The following CLASP2 variants were observed in gnomAD, a reference collection of about 807,000 sequenced individuals.
The protein encoded by CLASP2 is CLIP-associating protein 2.
CLASP2 carries 47 observed loss-of-function variants against 194.4 expected under a neutral mutation model. The ratio of observed to expected loss-of-function variants is 0.24; its 90% confidence interval spans 0.19 to 0.31. CLASP2 has a LOEUF of 0.31. Ranked by LOEUF, CLASP2 falls within the 10% of genes least tolerant of loss-of-function variation. The pLI is 1.00. For synonymous variants in CLASP2, 619 were observed against 633.5 expected (o/e 0.98, Z 0.34); for missense variants, 1,445 against 1,823.6 (o/e 0.79, Z 3.78).
chr3:33,557,577 G>A (rs914802947), intron 29 of CLASP2, among the ~76,000 whole-genome samples: 1 of 151,980 alleles, frequency 6.6e-6, no homozygotes, highest in African/African-American at 2.4e-5. Context: ...CACCACTACA[G>A]GTACCTATAT....
At chr3:33,528,814 G>T in intron 34 of CLASP2, among the ~76,000 whole-genome samples, 1 of 151,970 alleles carries the variant, frequency 6.6e-6, no homozygotes, top group East Asian at 1.9e-4. Context: ...AAGGAAGAAA[G>T]AAAGAGAGAA....
rs1034203961 is a variant in CLASP2 at position 33,718,070 on chromosome 3, C to T, written c.-68G>A. ...CTTTCGCCGAGAGCCGCCCAGCCTC[C>T]AGTGCGGGTCCCCGCGGGAGCGGGC... On this transcript the variant is annotated 5_prime_UTR_variant, in exon 1 of 39. Coordinates refer to ENST00000682230, the MANE Select transcript of CLASP2 (RefSeq NM_001365631.1). 5.0e-6 allele frequency: 7 copies of T among 1,406,588 alleles called. No homozygotes were observed. In the East Asian group the frequency reaches 8.2e-5, roughly 17 times the overall value. The allele number at this position is 1,406,588 out of a possible 1,614,324, so 87.1% of individuals were successfully genotyped here.
chr3:33,522,898 G>A (rs899232815), intron 34 of CLASP2, among the ~76,000 whole-genome samples: 4 of 152,096 alleles, frequency 2.6e-5, no homozygotes, highest in African/African-American at 4.8e-5. Flanking sequence ...GTGAAACCCC[G>A]TCTCTACTAA....
In CLASP2 at chr3:33,594,590, T is replaced by C. The variant is rs373577145; in HGVS notation, c.1966+361A>G. Among the ~76,000 whole-genome samples the C allele has an allele frequency of 2.6e-5, 4 of 151,850 alleles. No individual in the cohort carries two copies. In the South Asian group the frequency reaches 6.3e-4, roughly 24 times the overall value. ...GGTGCATGATCTCTCAAAGTATAAA[T>C]GAATTGGCATAAATAAAAAAACAAA... On this transcript the variant is annotated intron_variant, in intron 20 of 38. Coordinates refer to ENST00000682230, the MANE Select transcript of CLASP2 (RefSeq NM_001365631.1).
At chr3:33,577,228 T>C (rs763963352) in intron 23 of CLASP2, 2 of 1,598,024 alleles carry the variant, frequency 1.3e-6, no homozygotes, top group South Asian at 1.1e-5. Context: ...TTCGGGGGCG[T>C]AGAGGGCACC....
intron 12 of CLASP2, among the ~76,000 whole-genome samples, chr3:33,612,996 T>C (rs2075467140): frequency 2.0e-5 from 3 of 152,148 alleles, no homozygotes; most frequent in Admixed American, 1.3e-4. Context: ...TTAACAACAA[T>C]CTATTGTACA....
Position 33,517,105 on chromosome 3 carries a change from A to G in CLASP2, c.3857T>C (p.Val1286Ala). ...ATAGAGGGCAATTTTTCTTTCTTCT[A>G]CACGCTCATTATGGTTAGACAGCTC... is the stretch of plus-strand genomic sequence containing the variant. ...LKELSNHNER[V>A]EERKIALYEL... The change falls in exon 35 of 39, where the codon GTA becomes GCA. Residue 1286 changes from valine to alanine, a missense_variant. Val to Ala is a moderately conservative substitution (Grantham distance 64). Around this residue, in one of 4 missense-constraint regions of CLASP2, gnomAD observed 732 missense variants for 987.9 expected, o/e 0.74. Coordinates refer to ENST00000682230, the MANE Select transcript of CLASP2 (RefSeq NM_001365631.1). 1 of 1,613,676 alleles carries G rather than the reference A, an allele frequency of 6.2e-7. No individual in the cohort carries two copies. Among genetic ancestry groups the G allele is most frequent in the Non-Finnish European group, 8.5e-7 (1 of 1,179,770 alleles).
chr3:33,614,121 G>A (rs1315011780), intron 12 of CLASP2, among the ~76,000 whole-genome samples: 1 of 152,044 alleles, frequency 6.6e-6, no homozygotes, highest in Non-Finnish European at 1.5e-5. Context: ...AATAAACAAA[G>A]CAAAGAAAAA....
intron 1 of CLASP2, among the ~76,000 whole-genome samples, chr3:33,698,493 G>A (rs1286095894): frequency 2.6e-5 from 4 of 151,988 alleles, no homozygotes; most frequent in Non-Finnish European, 5.9e-5. Context: ...GAAATAAGAA[G>A]CAACAGCAGT....
At chr3:33,586,204 G>A (rs1034050293) in intron 21 of CLASP2, among the ~76,000 whole-genome samples, 5 of 151,320 alleles carry the variant, frequency 3.3e-5, no homozygotes, top group African/African-American at 7.3e-5. Flanking sequence ...GCGCGATCTC[G>A]GCTCACTGCA....
chr3:33,581,064 A>G (rs557954021), intron 23 of CLASP2, among the ~76,000 whole-genome samples: 35 of 151,956 alleles, frequency 2.3e-4, no homozygotes, highest in East Asian at 1.5e-3. Flanking sequence ...AGAAGAAAAA[A>G]AATCTAAAAT....
chr3:33,654,798 CTATTT>C (rs2154324519), intron 7 of CLASP2, among the ~76,000 whole-genome samples: 1 of 152,182 alleles, frequency 6.6e-6, no homozygotes, highest in Non-Finnish European at 1.5e-5. Flanking sequence ...CCTTAGTTAA[CTATTT>C]TATTTATAAG....
At chr3:33,665,054 T>C (rs1247666335) in intron 6 of CLASP2, among the ~76,000 whole-genome samples, 2 of 150,422 alleles carry the variant, frequency 1.3e-5, no homozygotes, top group African/African-American at 4.9e-5. Context: ...TGAGCCGAGA[T>C]CCTGACACTG....
intron 32 of CLASP2, among the ~76,000 whole-genome samples, chr3:33,540,637 T>A (rs1409517493): frequency 1.3e-5 from 2 of 152,100 alleles, no homozygotes; most frequent in Non-Finnish European, 2.9e-5. Context: ...ATGGAAAAAA[T>A]AGGCTAGGAA....
At chr3:33,546,258 T>C (rs1156326141) in intron 30 of CLASP2, among the ~76,000 whole-genome samples, 1 of 152,192 alleles carries the variant, frequency 6.6e-6, no homozygotes, top group African/African-American at 2.4e-5. Context: ...TGACTTGAAG[T>C]GACACCTGTA....
At chr3:33,589,813 T>A (rs538682964) in intron 21 of CLASP2, among the ~76,000 whole-genome samples, 1 of 152,012 alleles carries the variant, frequency 6.6e-6, no homozygotes, top group Non-Finnish European at 1.5e-5. Flanking sequence ...TAAGTATTTT[T>A]AAAAAAAAGC....
At chr3:33,698,511 T>G (rs763334493) in intron 1 of CLASP2, among the ~76,000 whole-genome samples, 3 of 151,938 alleles carry the variant, frequency 2.0e-5, no homozygotes, top group Non-Finnish European at 4.4e-5. Context: ...AGTCTACCAG[T>G]GGGGAAGGGG....
intron 12 of CLASP2, among the ~76,000 whole-genome samples, chr3:33,612,649 T>C (rs2075397817): frequency 6.6e-6 from 1 of 152,190 alleles, no homozygotes; most frequent in Admixed American, 6.5e-5. Context: ...AAAAAGTTCA[T>C]AATAGACATT....
At position 33,619,728 on chromosome 3, in the gene CLASP2, T is replaced by C. The variant is rs1325737427; in HGVS notation, c.1192A>G (p.Thr398Ala). ...TGATCAAACTTGTTTCCCAAAACTG[T>C]TGAAAGGTGGCTACAAAGGAAGACA... ...EACITVAHLS[T>A]VLGNKFDHGA... is the part of the protein sequence containing the mutation. Residue 398 changes from threonine to alanine, a missense_variant, in exon 12 of 39, where the codon ACA (threonine) becomes GCA (alanine). Physicochemically the swap from Thr to Ala is moderately conservative, Grantham distance 58. Around this residue, in one of 4 missense-constraint regions of CLASP2, gnomAD observed 207 missense variants for 331.4 expected, o/e 0.62. Transcript: ENST00000682230. 3.8e-6 allele frequency: 6 copies of C among 1,587,254 alleles called. No individual in the cohort carries two copies. Among genetic ancestry groups the C allele is most frequent in the Non-Finnish European group, 5.1e-6 (6 of 1,167,016 alleles).
Sources: gnomAD v4.1 joint callset for allele counts (sites outside exome capture counted in the v4.1 genomes callset) on GRCh38, gnomAD v4.1.1 for gene constraint, gnomAD v4.1.1 regional missense constraint, MANE v1.5 for transcripts, NCBI Gene and HGNC (gene_info 2026-07-23, HGNC 2026-07-21) for gene names.